SAMD10: variants seen among roughly 807,000 people sequenced by gnomAD.
The protein encoded by SAMD10 is sterile alpha motif domain-containing protein 10.
SAMD10 carries 16 observed loss-of-function variants against 22.5 expected under a neutral mutation model. That is an observed-to-expected ratio of 0.71 (90% CI 0.48 to 1.08). The LOEUF (loss-of-function observed/expected upper bound fraction) is 1.08, where lower values mean the gene tolerates loss of function less well. Ranked by LOEUF, SAMD10 falls within the 50% of genes least tolerant of loss-of-function variation. The probability of loss-of-function intolerance (pLI) is 0.00; values close to 1 mark genes in which losing one functional copy is unlikely to be tolerated. For missense variants in SAMD10, 227 were observed against 281.3 expected (o/e 0.81, Z 1.38); for synonymous variants, 118 against 122.2 (o/e 0.97, Z 0.23).
rs1424563484 is a variant in SAMD10, at chr20:63,977,930, C to G, written c.92-524G>C. Among the ~76,000 whole-genome samples the G allele has an allele frequency of 6.6e-6, 1 of 152,240 alleles. No individual in the cohort carries two copies. Among genetic ancestry groups the G allele is most frequent in the East Asian group, 1.9e-4 (1 of 5,196 alleles). On this transcript the variant is annotated intron_variant, in intron 1 of 4. Transcript: ENST00000369886. This position sits in a 1 kb window ranked among gnomAD's most constrained non-coding sequence, Gnocchi z 5.4. ...AGGCACCCAGTTCACACAGCCCTAT[C>G]TGGTGTTGGGGCCCGACTCACTGAC...
Position 63,975,519 on chromosome 20 carries a change from T to G in SAMD10, c.600A>C (p.Lys200Asn), listed in dbSNP as rs775761262. 1 of 1,607,260 alleles carries G rather than the reference T, an allele frequency of 6.2e-7. No individual in the cohort carries two copies. Among genetic ancestry groups the G allele is most frequent in the African/African-American group, 1.3e-5 (1 of 74,372 alleles). The change falls in exon 5 of 5, where the codon AAA (lysine) becomes AAC (asparagine). Residue 200 changes from lysine to asparagine, a missense_variant. Transcript: ENST00000369886. ...LQLLSQASFG[K>N]MS ...CAAGCCTCAGCAGCAGCTAGGACAT[T>G]TTCCCGAAGGAAGCTGTGTGATGGA... is the stretch of plus-strand genomic sequence containing the variant.
chr20:63,977,486 CATCTCCTCCACACTAGTGCGGGAA>C lies in SAMD10; in HGVS notation c.92-104_92-81del, dbSNP rs2059033201. ...CTACTTGAGAGCTAGCTCCCTGCCCCATCTCCTCCACACTAGTGCGGGAAATCACCTCCCCAATGAGGGGTTCCC... is the reference window on the plus strand; with the variant it reads ...CTACTTGAGAGCTAGCTCCCTGCCCCATCACCTCCCCAATGAGGGGTTCCC... On this transcript the variant is annotated intron_variant, in intron 1 of 4. Coordinates refer to ENST00000369886, the MANE Select transcript of SAMD10 (RefSeq NM_080621.5). The surrounding 1 kb of genome is among the most constrained non-coding windows in gnomAD (Gnocchi z 5.4). 4 of 1,412,630 alleles carry C rather than the reference CATCTCCTCCACACTAGTGCGGGAA, an allele frequency of 2.8e-6. No individual in the cohort carries two copies. The South Asian group carries it at 3.8e-5, about 13-fold the overall frequency. 87.5% of individuals were successfully genotyped at this position (1,412,630 alleles called of 1,614,324 possible). A position where few individuals can be genotyped will look rare whatever the true frequency, so the allele number is the denominator to read the frequency against.
rs1238530686 is a variant in SAMD10, at chr20:63,975,703, A to G, written c.575T>C (p.Leu192Pro). Residue 192 changes from leucine to proline, a missense_variant, in exon 4 of 5, where the codon CTG becomes CCG. Physicochemically the swap from Leu to Pro is moderately conservative, Grantham distance 98. Transcript: ENST00000369886. ...CACCTCACACTGACCTTGGCTGAGC[A>G]GCTGCAGGCTCCGCCCCTCCTCACG... ...QVREEGRSLQ[L>P]LSQASFGKMS 8 of 1,604,754 alleles carry G rather than the reference A, an allele frequency of 5.0e-6. No homozygotes were observed. Among genetic ancestry groups the G allele is most frequent in the Non-Finnish European group, 6.8e-6 (8 of 1,176,664 alleles).
rs2059035385 is a variant in SAMD10 at position 63,977,806 on chromosome 20, A to C, written c.92-400T>G. On this transcript the variant is annotated intron_variant, in intron 1 of 4. Transcript: ENST00000369886. The surrounding 1 kb of genome is among the most constrained non-coding windows in gnomAD (Gnocchi z 5.4). ...CACACCACACCAGACCAGGAAGTGC[A>C]CACACGGCCTGCTTTGAGGAAAGGC... Among the ~76,000 whole-genome samples the C allele has an allele frequency of 6.6e-6, 1 of 152,250 alleles. No individual in the cohort carries two copies. Among genetic ancestry groups the C allele is most frequent in the Non-Finnish European group, 1.5e-5 (1 of 68,044 alleles).
chr20:63,977,668 TAGATC>T lies in SAMD10; in HGVS notation c.92-267_92-263del, dbSNP rs1479137779. Among the ~76,000 whole-genome samples the T allele has an allele frequency of 2.6e-5, 4 of 152,218 alleles. No individual in the cohort carries two copies. Among genetic ancestry groups the T allele is most frequent in the Admixed American group, 6.5e-5 (1 of 15,284 alleles). ...CACCCAGGGGAGCAGGATGGATTCT[TAGATC>T]AGAGGATGTGCCCTCTAGGGAAGGG... On this transcript the variant is annotated intron_variant, in intron 1 of 4. Coordinates refer to ENST00000369886, the MANE Select transcript of SAMD10 (RefSeq NM_080621.5). The surrounding 1 kb of genome is among the most constrained non-coding windows in gnomAD (Gnocchi z 5.4).
At chr20:63,976,934 T>C in intron 3 of SAMD10, 37 bp downstream of exon 3, 1 of 1,608,624 alleles carries the variant, frequency 6.2e-7, no homozygotes, top group Non-Finnish European at 8.5e-7. Context: ...TGAGGCAGGT[T>C]AGCCCCACTC....
intron 3 of SAMD10, among the ~76,000 whole-genome samples, chr20:63,976,576 AAC>A (rs1368142372): frequency 1.3e-5 from 2 of 151,834 alleles, no homozygotes; most frequent in Non-Finnish European, 2.9e-5. Context: ...CATCCTGGGC[AAC>A]ACAGTGAAAC....
Position 63,977,482 on chromosome 20 carries a change from GC to G in SAMD10, c.92-77del. ...TCCTCTACTTGAGAGCTAGCTCCCT[GC>G]CCCATCTCCTCCACACTAGTGCGGG... On this transcript the variant is annotated intron_variant, in intron 1 of 4. Transcript: ENST00000369886. This position sits in a 1 kb window ranked among gnomAD's most constrained non-coding sequence, Gnocchi z 5.4. The G allele has an allele frequency of 1.4e-6, 2 of 1,446,328 alleles. No individual in the cohort carries two copies. The highest frequency in any genetic ancestry group is 9.5e-7 in the Non-Finnish European group (1 of 1,049,582). 89.6% of individuals were successfully genotyped at this position (1,446,328 alleles called of 1,614,324 possible).
rs781345903 is a variant in SAMD10, at chr20:63,977,981, T to C, written c.92-575A>G. Among the ~76,000 whole-genome samples, 5 of 152,214 alleles carry C rather than the reference T, an allele frequency of 3.3e-5. No individual in the cohort carries two copies. Among genetic ancestry groups the C allele is most frequent in the African/African-American group, 4.8e-5 (2 of 41,446 alleles). On this transcript the variant is annotated intron_variant, in intron 1 of 4. Transcript: ENST00000369886. The surrounding 1 kb of genome is among the most constrained non-coding windows in gnomAD (Gnocchi z 5.4). ...TATGACTCATTGACAGCCTGAACTG[T>C]GGGCCAACTGACAAGCAGGGCTCAC...
chr20:63,978,123 G>C (rs2059038022), intron 1 of SAMD10: 1 of 406,336 alleles, frequency 2.5e-6, no homozygotes, highest in East Asian at 7.2e-5. Context: ...GTCAGCACAG[G>C]TATGTGGGGT....
At position 63,975,499 on chromosome 20, in the gene SAMD10, C is replaced by T. The variant is rs769572436; in HGVS notation, c.*11G>A. 1.9e-6 allele frequency: 3 copies of T among 1,610,086 alleles called. No homozygotes were observed. The highest frequency in any genetic ancestry group is 2.2e-5 in the East Asian group (1 of 44,834). ...ACAGTGCTGGGGTCTGGGTTCAAGC[C>T]TCAGCAGCAGCTAGGACATTTTCCC... On this transcript the variant is annotated 3_prime_UTR_variant, in exon 5 of 5. Coordinates refer to ENST00000369886, the MANE Select transcript of SAMD10 (RefSeq NM_080621.5).
chr20:63,979,745 C>T (rs901039818), upstream of SAMD10: 5 of 947,998 alleles, frequency 5.3e-6, no homozygotes, highest in Non-Finnish European at 6.3e-6. This position sits in a 1 kb window ranked among gnomAD's most constrained non-coding sequence, Gnocchi z 7.7. Context: ...CCCCTGGGCA[C>T]GGCTCCGCGG....
In SAMD10 at chr20:63,977,098, G is replaced by A; in HGVS notation, c.318C>T (p.Pro106=). The A allele has an allele frequency of 2.5e-6, 4 of 1,614,170 alleles. No homozygotes were observed. The highest frequency in any genetic ancestry group is 3.4e-6 in the Non-Finnish European group (4 of 1,180,032). ...SDHYGLYHTS[P]SLGGLTRPVV... ...CGGGCCGGGTCAGGCCACCCAGCGAGGGGCTTGTATGGTACAGGCCATAGT... is the reference window on the plus strand; with the variant it reads ...CGGGCCGGGTCAGGCCACCCAGCGAAGGGCTTGTATGGTACAGGCCATAGT... Residue 106 remains proline, a synonymous_variant, in exon 3 of 5, where the codon CCC becomes CCT. Transcript: ENST00000369886. This position sits in a 1 kb window ranked among gnomAD's most constrained non-coding sequence, Gnocchi z 5.4.
Position 63,979,629 on chromosome 20 carries a change from G to A in SAMD10, c.-162C>T, listed in dbSNP as rs2059050724. ...GAGTGTGCGCGACGAGGCACCTGCCGCCGAGCCCTGTGTGCCGGGCGCGCT... is the reference window on the plus strand; with the variant it reads ...GAGTGTGCGCGACGAGGCACCTGCCACCGAGCCCTGTGTGCCGGGCGCGCT... On this transcript the variant is annotated 5_prime_UTR_variant, in exon 1 of 5. Coordinates refer to ENST00000369886, the MANE Select transcript of SAMD10 (RefSeq NM_080621.5). This position sits in a 1 kb window ranked among gnomAD's most constrained non-coding sequence, Gnocchi z 7.7. The A allele has an allele frequency of 1.0e-6, 1 of 984,974 alleles. No individual in the cohort carries two copies. Among genetic ancestry groups the A allele is most frequent in the Non-Finnish European group, 1.2e-6 (1 of 830,014 alleles). The allele number at this position is 984,974 out of a possible 1,614,324, so 61.0% of individuals were successfully genotyped here.
At position 63,979,454 on chromosome 20, in the gene SAMD10, A is replaced by T. The variant is rs1403338697; in HGVS notation, c.14T>A (p.Leu5Gln). 7.0e-7 allele frequency: 1 copy of T among 1,436,300 alleles called. No homozygotes were observed. Among genetic ancestry groups the T allele is most frequent in the Non-Finnish European group, 9.1e-7 (1 of 1,100,088 alleles). 89.0% of individuals were successfully genotyped at this position (1,436,300 alleles called of 1,614,324 possible). Residue 5 changes from leucine (L) to glutamine (Q), a missense_variant, in exon 1 of 5, where the codon CTG becomes CAG. By Grantham distance (113) the Leu-to-Gln change is moderately radical. Transcript: ENST00000369886. The surrounding 1 kb of genome is among the most constrained non-coding windows in gnomAD (Gnocchi z 7.7). ...ACGCGGGGGGCTCAGCTTGGACCTCAGCTCGGTGAACATGGGGCCCGCGGG... is the reference window on the plus strand; with the variant it reads ...ACGCGGGGGGCTCAGCTTGGACCTCTGCTCGGTGAACATGGGGCCCGCGGG... Reference protein sequence around the residue: MFTELRSKLSPPRGR... With the variant: MFTEQRSKLSPPRGR...
At chr20:63,978,528 A>T (rs1280900806) in intron 1 of SAMD10, among the ~76,000 whole-genome samples, 1 of 152,146 alleles carries the variant, frequency 6.6e-6, no homozygotes, top group African/African-American at 2.4e-5. Flanking sequence ...CTCCACACCC[A>T]GGGCAGGGGT....
At position 63,979,591 on chromosome 20, in the gene SAMD10, C is replaced by G. The variant is rs1287774460; in HGVS notation, c.-124G>C. On this transcript the variant is annotated 5_prime_UTR_variant, in exon 1 of 5. Coordinates refer to ENST00000369886, the MANE Select transcript of SAMD10 (RefSeq NM_080621.5). This position sits in a 1 kb window ranked among gnomAD's most constrained non-coding sequence, Gnocchi z 7.7. ...CAGCCGGCCCCGCGCCCGAGCCGGT[C>G]CCCGCGGCCCGCGAGTGTGCGCGAC... The G allele has an allele frequency of 2.0e-6, 2 of 984,000 alleles. No homozygotes were observed. The highest frequency in any genetic ancestry group is 1.2e-6 in the Non-Finnish European group (1 of 829,900). 61.0% of individuals were successfully genotyped at this position (984,000 alleles called of 1,614,324 possible).
upstream of SAMD10, chr20:63,979,683 C>A: frequency 1.0e-6 from 1 of 985,248 alleles, no homozygotes; most frequent in South Asian, 4.7e-5. This position sits in a 1 kb window ranked among gnomAD's most constrained non-coding sequence, Gnocchi z 7.7. Flanking sequence ...GTCGGCGGCG[C>A]GCGGGCCTGC....
chr20:63,979,758 G>A (rs1431176199), upstream of SAMD10: 1 of 912,746 alleles, frequency 1.1e-6, no homozygotes, highest in Non-Finnish European at 1.3e-6. This position sits in a 1 kb window ranked among gnomAD's most constrained non-coding sequence, Gnocchi z 7.7. Flanking sequence ...CTCCGCGGAG[G>A]AGAGTCCCCG....
Sources: gnomAD v4.1 joint callset for allele counts (sites outside exome capture counted in the v4.1 genomes callset) on GRCh38, gnomAD v4.1.1 for gene constraint, Gnocchi (gnomAD v3.1) non-coding constraint, MANE v1.5 for transcripts, NCBI Gene and HGNC (gene_info 2026-07-23, HGNC 2026-07-21) for gene names.